GOLPH3: variants seen among roughly 807,000 people sequenced by gnomAD.
GOLPH3 encodes the protein coat protein GPP34.
GOLPH3 carries 14 observed loss-of-function variants against 28.5 expected under a neutral mutation model. The ratio of observed to expected loss-of-function variants is 0.49; its 90% confidence interval spans 0.32 to 0.77. The LOEUF is 0.77. Among genes scored for constraint, GOLPH3 ranks in the 30% least tolerant of loss-of-function variants. GOLPH3 has a pLI of 0.03. For missense variants in GOLPH3, 350 were observed against 393.7 expected, an observed-to-expected ratio of 0.89 and a Z score of 0.94; for synonymous variants, 158 against 159.2, an observed-to-expected ratio of 0.99 and a Z score of 0.06.
intron 1 of GOLPH3, among the ~76,000 whole-genome samples, chr5:32,166,545 G>A (rs775332862): frequency 6.6e-6 from 1 of 152,168 alleles, no homozygotes; most frequent in Non-Finnish European, 1.5e-5. Context: ...GCCGGGCACA[G>A]TGGCTCATGC....
chr5:32,163,277 T>C (rs143061315), intron 1 of GOLPH3, among the ~76,000 whole-genome samples: 216 of 152,296 alleles, frequency 1.4e-3, no homozygotes, highest in East Asian at 9.6e-3. Context: ...CCATAAAAGT[T>C]AGTAACTCAG....
At chr5:32,142,000 G>A (rs1315047222) in intron 2 of GOLPH3, among the ~76,000 whole-genome samples, 1 of 152,226 alleles carries the variant, frequency 6.6e-6, no homozygotes, top group Non-Finnish European at 1.5e-5. Flanking sequence ...AAAGTGCCGA[G>A]ACTGCAGCCT....
In GOLPH3 at chr5:32,126,160, A is replaced by G. The variant is rs903650497; in HGVS notation, c.*52T>C. 2.0e-6 allele frequency: 3 copies of G among 1,520,288 alleles called. No homozygotes were observed. The highest frequency in any genetic ancestry group is 2.8e-5 in the African/African-American group (2 of 71,878). The allele number at this position is 1,520,288 out of a possible 1,614,324, so 94.2% of individuals were successfully genotyped here. ...ACAGAAAACCAGAAGTCAACAGAAG[A>G]AAAACTACTGGTTTACTTGAGAGAA... On this transcript the variant is annotated 3_prime_UTR_variant, in exon 4 of 4. Transcript: ENST00000265070.
chr5:32,129,436 T>G (rs1230129987), intron 3 of GOLPH3, among the ~76,000 whole-genome samples: 1 of 152,230 alleles, frequency 6.6e-6, no homozygotes, highest in Admixed American at 6.5e-5. Flanking sequence ...TTATAGTATT[T>G]ATAATGTTCT....
At chr5:32,137,285 C>G (rs927439223) in intron 2 of GOLPH3, among the ~76,000 whole-genome samples, 1 of 151,754 alleles carries the variant, frequency 6.6e-6, no homozygotes, top group Non-Finnish European at 1.5e-5. Context: ...AAAATTGTCC[C>G]GACTAGCAGA....
intron 2 of GOLPH3, among the ~76,000 whole-genome samples, chr5:32,138,100 C>T (rs1745975920): frequency 6.6e-6 from 1 of 151,998 alleles, no homozygotes; most frequent in Non-Finnish European, 1.5e-5. Context: ...GACAGGGTTT[C>T]ATCAAGTTGG....
intron 3 of GOLPH3, among the ~76,000 whole-genome samples, chr5:32,132,707 C>A (rs1745848026): frequency 6.6e-6 from 1 of 152,104 alleles, no homozygotes; most frequent in African/African-American, 2.4e-5. Flanking sequence ...ATCTAAAAAT[C>A]AGCAAGCTAG....
intron 2 of GOLPH3, among the ~76,000 whole-genome samples, chr5:32,138,526 T>TC (rs1309430705): frequency 3.3e-5 from 5 of 152,082 alleles, no homozygotes; most frequent in African/African-American, 7.2e-5. Flanking sequence ...CCTAATGCTA[T>TC]CCCTCCCCGC....
At chr5:32,171,165 A>G (rs1273098503) in intron 1 of GOLPH3, among the ~76,000 whole-genome samples, 4 of 152,186 alleles carry the variant, frequency 2.6e-5, no homozygotes, top group Non-Finnish European at 4.4e-5. Context: ...AATATGCTTC[A>G]CCTTAAACAT....
chr5:32,143,508 A>C (rs1300413713), intron 2 of GOLPH3, among the ~76,000 whole-genome samples: 2 of 152,062 alleles, frequency 1.3e-5, no homozygotes, highest in Non-Finnish European at 1.5e-5. Flanking sequence ...CTGCAAATGA[A>C]GTCTAGAATC....
At chr5:32,156,486 G>T (rs1251093499) in intron 1 of GOLPH3, among the ~76,000 whole-genome samples, 1 of 150,532 alleles carries the variant, frequency 6.6e-6, no homozygotes, top group African/African-American at 2.4e-5. Context: ...CTGGGTGACA[G>T]AGCGAGATTC....
chr5:32,134,553 G>A (rs991145645), intron 3 of GOLPH3, among the ~76,000 whole-genome samples: 20 of 151,780 alleles, frequency 1.3e-4, no homozygotes, highest in Non-Finnish European at 2.1e-4. Flanking sequence ...GCGAGGCATG[G>A]TGGCACACAC....
chr5:32,160,574 A>C (rs1235940939), intron 1 of GOLPH3, among the ~76,000 whole-genome samples: 1 of 152,250 alleles, frequency 6.6e-6, no homozygotes, highest in African/African-American at 2.4e-5. Context: ...TTCTAAAGAC[A>C]AACACTTGTG....
At chr5:32,133,406 G>A (rs767330492) in intron 3 of GOLPH3, among the ~76,000 whole-genome samples, 2 of 152,166 alleles carry the variant, frequency 1.3e-5, no homozygotes, top group Non-Finnish European at 2.9e-5. Flanking sequence ...CCACAACTTT[G>A]AGAAACCCTT....
intron 1 of GOLPH3, among the ~76,000 whole-genome samples, chr5:32,167,951 C>A (rs1746752119): frequency 6.6e-6 from 1 of 151,522 alleles, no homozygotes; most frequent in Admixed American, 6.6e-5. Flanking sequence ...TAGGCCCTGT[C>A]TCAAAAGAAA....
chr5:32,166,281 T>A (rs975899774), intron 1 of GOLPH3, among the ~76,000 whole-genome samples: 1 of 152,244 alleles, frequency 6.6e-6, no homozygotes, highest in Non-Finnish European at 1.5e-5. Flanking sequence ...TAATATTAGT[T>A]GTGTTTTTGC....
rs1351915688 is a variant in GOLPH3 at position 32,125,798 on chromosome 5, G to A, written c.*414C>T. ...TAATAGATACAGATATTTACCTTTG[G>A]TGAGTTGAAGGCCTTTTTGTGACTT... On this transcript the variant is annotated 3_prime_UTR_variant, in exon 4 of 4. Coordinates refer to ENST00000265070, the MANE Select transcript of GOLPH3 (RefSeq NM_022130.4). 1 of 162,702 alleles carries A rather than the reference G, an allele frequency of 6.1e-6. No homozygotes were observed. Among genetic ancestry groups the A allele is most frequent in the Admixed American group, 6.1e-5 (1 of 16,264 alleles). 10.1% of individuals were successfully genotyped at this position (162,702 alleles called of 1,614,324 possible). A position where few individuals can be genotyped will look rare whatever the true frequency, so the allele number is the denominator to read the frequency against.
chr5:32,126,676 A>G (rs372872861), intron 3 of GOLPH3, 40 bp from the exon 4 acceptor site: 6 of 1,544,668 alleles, frequency 3.9e-6, no homozygotes, highest in African/African-American at 1.4e-5. Flanking sequence ...GATGAGTATT[A>G]TCTGCTAATT....
At chr5:32,156,761 G>A (rs1746438527) in intron 1 of GOLPH3, among the ~76,000 whole-genome samples, 1 of 152,180 alleles carries the variant, frequency 6.6e-6, no homozygotes, top group African/African-American at 2.4e-5. Context: ...AGAATCTAAT[G>A]GCTGCTGCTG....
Sources: gnomAD v4.1 joint callset for allele counts (sites outside exome capture counted in the v4.1 genomes callset) on GRCh38, gnomAD v4.1.1 for gene constraint, MANE v1.5 for transcripts, NCBI Gene and HGNC (gene_info 2026-07-23, HGNC 2026-07-21) for gene names.